HSD17B4: variants seen among roughly 807,000 people sequenced by gnomAD.
HSD17B4 encodes the protein peroxisomal multifunctional enzyme type 2.
Under a neutral mutation model 101.0 loss-of-function variants are expected in HSD17B4, and 70 were observed. That is an observed-to-expected ratio of 0.69 (90% CI 0.57 to 0.85). The LOEUF is 0.85. Ranked by LOEUF, HSD17B4 falls within the 40% of genes least tolerant of loss-of-function variation. HSD17B4 has a pLI of 0.00. For missense variants in HSD17B4, 984 were observed against 892.4 expected, an observed-to-expected ratio of 1.10 and a Z score of -1.31; for synonymous variants, 347 against 297.1, an observed-to-expected ratio of 1.17 and a Z score of -1.73.
intron 17 of HSD17B4, among the ~76,000 whole-genome samples, chr5:119,522,833 G>A (rs1198401093): frequency 1.3e-5 from 2 of 152,046 alleles, no homozygotes; most frequent in African/African-American, 4.8e-5. Flanking sequence ...GAAGACTAGT[G>A]TACTATTAAT....
In HSD17B4 at chr5:119,494,010, C is replaced by T. The variant is rs1750365163; in HGVS notation, c.868+64C>T. On this transcript the variant is annotated intron_variant, in intron 11 of 23. Coordinates refer to ENST00000510025, the MANE Select transcript of HSD17B4 (RefSeq NM_000414.4). Reference sequence around the variant, plus strand: ...TCAGAGGCAGCAAGCATTTTCTTCTCTTATGTAGTTGTCTTCTATGTTAAC... The same window carrying T: ...TCAGAGGCAGCAAGCATTTTCTTCTTTTATGTAGTTGTCTTCTATGTTAAC... 8 of 1,544,342 alleles carry T rather than the reference C, an allele frequency of 5.2e-6. No homozygotes were observed. In the South Asian group the frequency reaches 6.7e-5, roughly 13 times the overall value.
In HSD17B4 at chr5:119,496,013, C is replaced by G. The variant is rs77759077; in HGVS notation, c.869-530C>G. Among the ~76,000 whole-genome samples, 3 of 152,060 alleles carry G rather than the reference C, an allele frequency of 2.0e-5. No individual in the cohort carries two copies. In the East Asian group the frequency reaches 5.8e-4, roughly 29 times the overall value. Reference sequence around the variant, plus strand: ...ACCTTTTAGACCTGCAGAAAAGCAGCTTTTGATCCCTGTCTGGAGTCATTG... The same window carrying G: ...ACCTTTTAGACCTGCAGAAAAGCAGGTTTTGATCCCTGTCTGGAGTCATTG... On this transcript the variant is annotated intron_variant, in intron 11 of 23. Coordinates refer to ENST00000510025, the MANE Select transcript of HSD17B4 (RefSeq NM_000414.4).
intron 15 of HSD17B4, 129 bp downstream of exon 15, chr5:119,507,018 G>A (rs1751713582): frequency 1.1e-5 from 6 of 568,724 alleles, no homozygotes; most frequent in Non-Finnish European, 1.9e-5. Flanking sequence ...AACAAGATAA[G>A]CATTTTTAAA....
intron 2 of HSD17B4, among the ~76,000 whole-genome samples, chr5:119,461,546 C>G (rs77265370): frequency 0.14 from 21,696 of 152,084 alleles, 1,640 homozygotes; most frequent in African/African-American, 0.16. Context: ...TATTTACCTA[C>G]TTATAGAATA....
intron 2 of HSD17B4, among the ~76,000 whole-genome samples, chr5:119,465,614 G>A (rs760676067): frequency 6.6e-6 from 1 of 152,120 alleles, no homozygotes; most frequent in Admixed American, 6.5e-5. Flanking sequence ...CTATAACAAT[G>A]CAGAAGTAGC....
At chr5:119,495,514 A>C (rs906065941) in intron 11 of HSD17B4, among the ~76,000 whole-genome samples, 2 of 152,146 alleles carry the variant, frequency 1.3e-5, no homozygotes, top group Admixed American at 6.6e-5. Flanking sequence ...CATGTTGTCT[A>C]TTTCTGGAAG....
intron 2 of HSD17B4, among the ~76,000 whole-genome samples, chr5:119,460,807 GAA>G (rs202032132): frequency 6.6e-6 from 1 of 152,094 alleles, no homozygotes; most frequent in Admixed American, 6.6e-5. Context: ...GTGCTGTGGA[GAA>G]AAAAATGAGT....
At chr5:119,525,797 T>C (rs755175531) in intron 18 of HSD17B4, 120 bp from the exon 19 acceptor site, 48 of 697,464 alleles carry the variant, frequency 6.9e-5, no homozygotes, top group Non-Finnish European at 1.0e-4. Context: ...TTTCTTAAAA[T>C]AGATGGTATA....
intron 2 of HSD17B4, among the ~76,000 whole-genome samples, chr5:119,473,090 A>G (rs1339298975): frequency 6.6e-6 from 1 of 151,992 alleles, no homozygotes; most frequent in Non-Finnish European, 1.5e-5. Context: ...TGAACATTGG[A>G]GTGCTAATAT....
intron 2 of HSD17B4, among the ~76,000 whole-genome samples, chr5:119,459,639 C>A (rs546314281): frequency 7.2e-5 from 11 of 152,226 alleles, no homozygotes; most frequent in Non-Finnish European, 1.3e-4. Flanking sequence ...GTGAGGAGGG[C>A]CTCCTTTCTG....
At chr5:119,491,461 C>CTT (rs11308278) in intron 9 of HSD17B4, among the ~76,000 whole-genome samples, 15 of 131,480 alleles carry the variant, frequency 1.1e-4, no homozygotes, top group African/African-American at 3.9e-4. Context: ...ACTCATCAGA[C>CTT]TTTTTTTTTT....
At chr5:119,486,686 G>A (rs1434419605) in intron 8 of HSD17B4, among the ~76,000 whole-genome samples, 1 of 152,066 alleles carries the variant, frequency 6.6e-6, no homozygotes, top group Non-Finnish European at 1.5e-5. Flanking sequence ...TATTATTAAT[G>A]AACATATCGG....
intron 2 of HSD17B4, 60 bp from the exon 3 acceptor site, chr5:119,473,848 A>G: frequency 1.0e-6 from 1 of 989,784 alleles, no homozygotes; most frequent in Non-Finnish European, 1.6e-6. Flanking sequence ...CCACACACAC[A>G]CACACACATT....
chr5:119,540,929 A>G (rs1007373875), intron 23 of HSD17B4, among the ~76,000 whole-genome samples: 1 of 152,162 alleles, frequency 6.6e-6, no homozygotes, highest in African/African-American at 2.4e-5. Flanking sequence ...GCCCACTTCA[A>G]ATTGACAGCT....
chr5:119,473,322 T>C (rs1748212623), intron 2 of HSD17B4, among the ~76,000 whole-genome samples: 1 of 145,962 alleles, frequency 6.9e-6, no homozygotes, highest in Non-Finnish European at 1.5e-5. Context: ...TCCTTTTTTT[T>C]TTTTTTTTTT....
At position 119,477,402 on chromosome 5, in the gene HSD17B4, A is replaced by G; in HGVS notation, c.350-15A>G. The G allele has an allele frequency of 6.5e-7, 1 of 1,549,548 alleles. No individual in the cohort carries two copies. Among genetic ancestry groups the G allele is most frequent in the Non-Finnish European group, 8.9e-7 (1 of 1,124,844 alleles). ...TTTTTACAAAATATTTAATAAAAAT[A>G]ATTTATTGTTTTAGATATAATCCAC... On this transcript the variant is annotated splice_polypyrimidine_tract_variant and intron_variant, in intron 6 of 23. Coordinates refer to ENST00000510025, the MANE Select transcript of HSD17B4 (RefSeq NM_000414.4).
intron 1 of HSD17B4, among the ~76,000 whole-genome samples, chr5:119,456,109 G>A (rs570812622): frequency 8.6e-4 from 131 of 152,258 alleles, no homozygotes; most frequent in Non-Finnish European, 1.2e-3. Context: ...AGTAGAATAG[G>A]TGGAAAAATA....
chr5:119,537,270 G>A (rs371963935), intron 23 of HSD17B4, among the ~76,000 whole-genome samples: 1 of 152,118 alleles, frequency 6.6e-6, no homozygotes, highest in Non-Finnish European at 1.5e-5. Flanking sequence ...GAATTGTAAA[G>A]TAGTATAGTA....
At chr5:119,533,630 G>T (rs1314184801) in intron 22 of HSD17B4, among the ~76,000 whole-genome samples, 1 of 152,066 alleles carries the variant, frequency 6.6e-6, no homozygotes, top group African/African-American at 2.4e-5. Context: ...AAGGTAAGTT[G>T]TGGTACCAAC....
Sources: allele counts gnomAD v4.1 joint callset (sites outside exome capture counted in the v4.1 genomes callset), GRCh38; gene constraint gnomAD v4.1.1; transcripts MANE v1.5; gene names NCBI Gene and HGNC (gene_info 2026-07-23, HGNC 2026-07-21).